The following FAM227B variants were observed in gnomAD, a reference collection of about 807,000 sequenced individuals.
FAM227B encodes the protein protein FAM227B.
A neutral mutation model predicts 73.8 loss-of-function variants in FAM227B; 88 were observed. The ratio of observed to expected loss-of-function variants is 1.19; its 90% CI spans 1.00 to 1.42. The LOEUF (loss-of-function observed/expected upper bound fraction) is 1.42, where lower values mean the gene tolerates loss of function less well. FAM227B is among the 40% of genes most tolerant of loss of function. The pLI, the probability that FAM227B is intolerant of heterozygous loss-of-function variation, is 0.00. For missense variants in FAM227B, 632 were observed against 590.9 expected (o/e 1.07, Z -0.72); for synonymous variants, 210 against 190.5 (o/e 1.10, Z -0.84).
chr15:49,433,546 A>G (rs1182625908), intron 11 of FAM227B, among the ~76,000 whole-genome samples: 5 of 151,736 alleles, frequency 3.3e-5, no homozygotes, highest in Non-Finnish European at 7.4e-5. Flanking sequence ...TGCTGAAATA[A>G]AAGAGAAATA....
At chr15:49,550,971 C>G (rs1446976808) in intron 9 of FAM227B, among the ~76,000 whole-genome samples, 1 of 152,214 alleles carries the variant, frequency 6.6e-6, no homozygotes, top group Non-Finnish European at 1.5e-5. Flanking sequence ...GATCACACCA[C>G]TGCACTCCAG....
chr15:49,568,359 T>C lies in FAM227B; in HGVS notation c.646-13A>G, dbSNP rs773089672. ...TTTCTCTGTCAGGCTTAAAAAAATG[T>C]GTGAAATTAAAGTCAATATTACAAT... On this transcript the variant is annotated splice_polypyrimidine_tract_variant and intron_variant, in intron 8 of 15. Coordinates refer to ENST00000299338, the MANE Select transcript of FAM227B (RefSeq NM_152647.3). The C allele has an allele frequency of 6.3e-6, 10 of 1,587,072 alleles. No individual in the cohort carries two copies. In the Admixed American group the frequency reaches 7.0e-5, roughly 11 times the overall value.
At chr15:49,371,269 A>G in intron 12 of FAM227B, 33 bp downstream of exon 12, 1 of 1,333,906 alleles carries the variant, frequency 7.5e-7, no homozygotes, top group Non-Finnish European at 1.1e-6. Context: ...TTAAACAAGT[A>G]AGAAATTTTT....
chr15:49,539,288 C>T (rs1336011550), intron 10 of FAM227B, among the ~76,000 whole-genome samples: 1 of 152,202 alleles, frequency 6.6e-6, no homozygotes, highest in Non-Finnish European at 1.5e-5. Context: ...GCGTCTTCAG[C>T]TACAAAGGCT....
intron 10 of FAM227B, among the ~76,000 whole-genome samples, chr15:49,538,701 T>C (rs2070622055): frequency 6.6e-6 from 1 of 152,122 alleles, no homozygotes; most frequent in Admixed American, 6.6e-5. Flanking sequence ...GTCTTAGAGT[T>C]CACAGATTCT....
rs143532768 is a variant in FAM227B, at chr15:49,353,123, C to T, written c.1271+14325G>A. 4.4e-3 allele frequency among the ~76,000 whole-genome samples: 677 copies of T among 152,242 alleles called. 10 individuals are homozygous for T. Among genetic ancestry groups the T allele is most frequent in the Admixed American group, 6.7e-3 (102 of 15,294 alleles). On this transcript the variant is annotated intron_variant, in intron 13 of 15. Coordinates refer to ENST00000299338, the MANE Select transcript of FAM227B (RefSeq NM_152647.3). ...TTTCAGGGAAAAATGGAAATAGTTGCCAATTCAGCCACTGATAGTGTGGAA... is the reference window on the plus strand; with the variant it reads ...TTTCAGGGAAAAATGGAAATAGTTGTCAATTCAGCCACTGATAGTGTGGAA...
chr15:49,441,214 A>C (rs931714135), intron 11 of FAM227B, among the ~76,000 whole-genome samples: 3 of 151,670 alleles, frequency 2.0e-5, no homozygotes, highest in Non-Finnish European at 3.0e-5. Context: ...CTCACCAAAC[A>C]ATACTGCCAA....
chr15:49,332,711 TGGCA>T (rs1367664193), intron 14 of FAM227B, among the ~76,000 whole-genome samples: 1 of 152,214 alleles, frequency 6.6e-6, no homozygotes, highest in East Asian at 1.9e-4. Flanking sequence ...TCCATGAAAT[TGGCA>T]GGAAGTAAAA....
intron 10 of FAM227B, among the ~76,000 whole-genome samples, chr15:49,538,197 T>C (rs1463414726): frequency 2.0e-5 from 3 of 152,144 alleles, no homozygotes; most frequent in East Asian, 1.9e-4. Flanking sequence ...AGAATATAAA[T>C]TGAAGTACTT....
At chr15:49,431,436 A>T (rs1366097895) in intron 11 of FAM227B, among the ~76,000 whole-genome samples, 1 of 151,822 alleles carries the variant, frequency 6.6e-6, no homozygotes, top group Non-Finnish European at 1.5e-5. Flanking sequence ...TAATATGTAA[A>T]GACAAAGTGA....
chr15:49,548,345 C>T (rs116451477), intron 9 of FAM227B, among the ~76,000 whole-genome samples: 2 of 152,060 alleles, frequency 1.3e-5, no homozygotes, highest in Non-Finnish European at 2.9e-5. Context: ...TATGTTGAAC[C>T]ATCCTTCCAC....
chr15:49,374,514 C>G (rs2046033104), intron 11 of FAM227B, among the ~76,000 whole-genome samples: 1 of 152,128 alleles, frequency 6.6e-6, no homozygotes, highest in Non-Finnish European at 1.5e-5. Context: ...CAATTTTGTC[C>G]AATAATATAG....
chr15:49,587,447 T>C (rs540881570), intron 5 of FAM227B, among the ~76,000 whole-genome samples: 37 of 152,256 alleles, frequency 2.4e-4, no homozygotes, highest in Admixed American at 2.0e-3. Context: ...AGTTTATTTA[T>C]ATAACAAACC....
chr15:49,332,002 A>C, intron 14 of FAM227B, 153 bp from the exon 15 acceptor site: 1 of 603,014 alleles, frequency 1.7e-6, no homozygotes, highest in South Asian at 2.0e-5. Context: ...CTTCTGAAGT[A>C]GGTACTCCTA....
At chr15:49,345,102 TTGAG>T (rs1339065366) in intron 13 of FAM227B, among the ~76,000 whole-genome samples, 8 of 152,346 alleles carry the variant, frequency 5.3e-5, no homozygotes, top group African/African-American at 1.4e-4. Flanking sequence ...TTGTGCTCTC[TTGAG>T]TATCATTTCC....
At chr15:49,426,813 A>AT (rs2050170871) in intron 11 of FAM227B, among the ~76,000 whole-genome samples, 2 of 151,960 alleles carry the variant, frequency 1.3e-5, no homozygotes, top group Non-Finnish European at 2.9e-5. Context: ...CATGTAAATA[A>AT]TTTTTACTTC....
intron 9 of FAM227B, among the ~76,000 whole-genome samples, chr15:49,552,205 G>C (rs1397774620): frequency 6.6e-6 from 1 of 152,026 alleles, no homozygotes; most frequent in African/African-American, 2.4e-5. Context: ...CTTTTGTGTG[G>C]GAATATCTTT....
At chr15:49,383,903 A>T (rs2046705464) in intron 11 of FAM227B, among the ~76,000 whole-genome samples, 1 of 152,060 alleles carries the variant, frequency 6.6e-6, no homozygotes, top group Non-Finnish European at 1.5e-5. Flanking sequence ...ACCATTTGTC[A>T]TTCTCCCCCC....
chr15:49,546,990 A>G (rs959122078), intron 9 of FAM227B, among the ~76,000 whole-genome samples: 17 of 152,308 alleles, frequency 1.1e-4, no homozygotes, highest in Admixed American at 2.6e-4. Context: ...CAGATTCACC[A>G]AAGTTGAAAT....
Sources: allele counts gnomAD v4.1 joint callset (sites outside exome capture counted in the v4.1 genomes callset), GRCh38; gene constraint gnomAD v4.1.1; transcripts MANE v1.5; gene names NCBI Gene and HGNC (gene_info 2026-07-23, HGNC 2026-07-21).